The following NELL1 variants were observed in gnomAD, a reference collection of about 807,000 sequenced individuals.
NELL1 encodes the protein protein kinase C-binding protein NELL1.
NELL1 carries 76 observed loss-of-function variants against 107.4 expected under a neutral mutation model. That is an observed-to-expected ratio of 0.71 (90% CI 0.59 to 0.86). The LOEUF (loss-of-function observed/expected upper bound fraction) is 0.86, where lower values mean the gene tolerates loss of function less well. Among genes scored for constraint, NELL1 ranks in the 40% least tolerant of loss-of-function variants. The pLI, the probability that NELL1 is intolerant of heterozygous loss-of-function variation, is 0.00. For synonymous variants in NELL1, 353 were observed against 341.2 expected (o/e 1.03, Z -0.38); for missense variants, 1,024 against 1,005.5 (o/e 1.02, Z -0.25).
chr11:21,208,492 AT>A (rs1857434968), intron 13 of NELL1, among the ~76,000 whole-genome samples: 1 of 151,700 alleles, frequency 6.6e-6, no homozygotes, highest in South Asian at 2.1e-4. Flanking sequence ...ACTTGATTGA[AT>A]TACTACTTTG....
intron 13 of NELL1, among the ~76,000 whole-genome samples, chr11:21,139,329 C>T (rs1035235355): frequency 1.3e-5 from 2 of 152,160 alleles, no homozygotes; most frequent in African/African-American, 2.4e-5. Flanking sequence ...TTGCTTTTCC[C>T]GGTGCCTGGA....
intron 12 of NELL1, among the ~76,000 whole-genome samples, chr11:21,032,663 A>G (rs566860992): frequency 1.3e-5 from 2 of 152,210 alleles, no homozygotes; most frequent in African/African-American, 4.8e-5. Flanking sequence ...GCTTGGATAC[A>G]GGCATGAGCC....
At chr11:21,445,296 TTTTTTGTTTTTGTTCTTG>T in intron 15 of NELL1, among the ~76,000 whole-genome samples, 1 of 151,758 alleles carries the variant, frequency 6.6e-6, no homozygotes, top group Non-Finnish European at 1.5e-5. Flanking sequence ...TTTTGTTTTG[TTTTTTGTTTTTGTTCTTG>T]TTTTTGTTTT....
At chr11:21,013,166 G>A (rs761991059) in intron 12 of NELL1, among the ~76,000 whole-genome samples, 4 of 152,158 alleles carry the variant, frequency 2.6e-5, no homozygotes, top group Non-Finnish European at 4.4e-5. Flanking sequence ...AGTCAGTTAG[G>A]TCAGATCTCT....
At chr11:20,826,512 G>A (rs1378522747) in intron 3 of NELL1, among the ~76,000 whole-genome samples, 1 of 151,306 alleles carries the variant, frequency 6.6e-6, no homozygotes, top group African/African-American at 2.4e-5. Context: ...GGAAAGGGGA[G>A]AGTGCACACC....
rs542700170 is a variant in NELL1 at position 20,993,971 on chromosome 11, G to T, written c.1300+33411G>T. Among the ~76,000 whole-genome samples the T allele has an allele frequency of 2.0e-5, 3 of 151,522 alleles. No individual in the cohort carries two copies. The East Asian group carries it at 5.8e-4, about 29-fold the overall frequency. On this transcript the variant is annotated intron_variant, in intron 12 of 19. Coordinates refer to ENST00000357134, the MANE Select transcript of NELL1 (RefSeq NM_006157.5). ...CTCAATAATATTTGATGACAAATAT[G>T]ATTCTAATATTCCTTTATATTTTCA...
At chr11:21,036,289 A>G (rs1853091100) in intron 12 of NELL1, among the ~76,000 whole-genome samples, 1 of 152,182 alleles carries the variant, frequency 6.6e-6, no homozygotes, top group African/African-American at 2.4e-5. Context: ...AATTAATATC[A>G]TTAAAATGGT....
chr11:21,233,210 T>C (rs2133888836), intron 14 of NELL1, among the ~76,000 whole-genome samples: 1 of 152,350 alleles, frequency 6.6e-6, no homozygotes, highest in South Asian at 2.1e-4. Context: ...AAAACTCTCA[T>C]TAAGTATGTG....
chr11:20,815,265 G>T (rs7110711), intron 3 of NELL1, among the ~76,000 whole-genome samples: 95,406 of 151,704 alleles, frequency 0.63, 31,329 homozygotes, highest in Middle Eastern at 0.74. Flanking sequence ...GGGTTTTGTA[G>T]TTTTAGTAGA....
chr11:21,400,108 A>G (rs749419035), intron 15 of NELL1, among the ~76,000 whole-genome samples: 6 of 151,536 alleles, frequency 4.0e-5, no homozygotes, highest in Non-Finnish European at 7.4e-5. Context: ...CTTAATTTTC[A>G]CTCTTCAAGA....
chr11:21,082,859 C>T (rs566752580), intron 12 of NELL1, among the ~76,000 whole-genome samples: 129 of 152,238 alleles, frequency 8.5e-4, no homozygotes, highest in African/African-American at 3.0e-3. Flanking sequence ...ATTTAAGGTG[C>T]GAAAACATAC....
intron 12 of NELL1, among the ~76,000 whole-genome samples, chr11:21,007,822 G>A (rs185828429): frequency 2.0e-4 from 31 of 152,158 alleles, no homozygotes; most frequent in Middle Eastern, 3.4e-3. Context: ...TTAAGGTATG[G>A]CCCACTTACA....
intron 13 of NELL1, chr11:21,169,722 CAGA>C: frequency 2.6e-6 from 2 of 767,430 alleles, no homozygotes; most frequent in Non-Finnish European, 4.1e-6. Flanking sequence ...TCTTTTGGCA[CAGA>C]AGTAGTCATG....
intron 14 of NELL1, among the ~76,000 whole-genome samples, chr11:21,280,109 CT>C (rs1848959657): frequency 6.6e-6 from 1 of 152,108 alleles, no homozygotes; most frequent in African/African-American, 2.4e-5. Flanking sequence ...AGTGAAACTA[CT>C]CTGTAATGAT....
chr11:20,901,319 A>C (rs1262264669), intron 5 of NELL1, among the ~76,000 whole-genome samples: 3 of 152,168 alleles, frequency 2.0e-5, no homozygotes, highest in Non-Finnish European at 4.4e-5. Flanking sequence ...CAGCAATAAC[A>C]AAAACTGCAA....
chr11:20,685,720 T>C (rs1313549478), intron 2 of NELL1, among the ~76,000 whole-genome samples: 8 of 152,106 alleles, frequency 5.3e-5, no homozygotes, highest in Non-Finnish European at 8.8e-5. Flanking sequence ...GGGTATAGCT[T>C]TGGCTTTTTT....
At chr11:20,878,152 A>G (rs1849340119) in intron 4 of NELL1, among the ~76,000 whole-genome samples, 1 of 151,962 alleles carries the variant, frequency 6.6e-6, no homozygotes, top group Non-Finnish European at 1.5e-5. Flanking sequence ...TGAGGTCAGG[A>G]GATCGAGACC....
chr11:20,979,596 G>A (rs1851708256), intron 12 of NELL1, among the ~76,000 whole-genome samples: 1 of 152,192 alleles, frequency 6.6e-6, no homozygotes, highest in Non-Finnish European at 1.5e-5. Context: ...GGCGTATTCT[G>A]CCTAATTGGA....
intron 15 of NELL1, among the ~76,000 whole-genome samples, chr11:21,498,072 C>T (rs897193341): frequency 6.6e-6 from 1 of 151,794 alleles, no homozygotes; most frequent in Non-Finnish European, 1.5e-5. Flanking sequence ...GAAAAGTACA[C>T]AGGAAAATAT....
Sources: gnomAD v4.1 joint callset for allele counts (sites outside exome capture counted in the v4.1 genomes callset) on GRCh38, gnomAD v4.1.1 for gene constraint, MANE v1.5 for transcripts, NCBI Gene and HGNC (gene_info 2026-07-23, HGNC 2026-07-21) for gene names.